ATP13A1: variants seen among roughly 807,000 people sequenced by gnomAD.
The protein encoded by ATP13A1 is ATPase 13A1, also known as endoplasmic reticulum transmembrane helix translocase.
Under a neutral mutation model 134.8 loss-of-function variants are expected in ATP13A1, and 55 were observed. The ratio of observed to expected loss-of-function variants is 0.41; its 90% CI spans 0.33 to 0.51. The LOEUF is 0.51. ATP13A1 is among the 20% of genes least tolerant of loss of function. The probability of loss-of-function intolerance (pLI) is 0.29; values close to 1 mark genes in which losing one functional copy is unlikely to be tolerated. For synonymous variants in ATP13A1, 775 were observed against 725.1 expected, an observed-to-expected ratio of 1.07 and a Z score of -1.10; for missense variants, 1,389 against 1,652.8, an observed-to-expected ratio of 0.84 and a Z score of 2.77.
intron 3 of ATP13A1, among the ~76,000 whole-genome samples, chr19:19,657,665 T>G (rs11667828): frequency 0.3 from 46,235 of 152,124 alleles, 7,726 homozygotes; most frequent in African/African-American, 0.44. Flanking sequence ...TGAAGCTCCT[T>G]AATCTGCAAT....
At chr19:19,651,168 G>A (rs1250338708) in intron 17 of ATP13A1, 2 of 152,308 alleles carry the variant, frequency 1.3e-5, no homozygotes, top group South Asian at 2.1e-4. Flanking sequence ...GTGTGGGGAA[G>A]GCAAGCCACC....
At position 19,652,576 on chromosome 19, in the gene ATP13A1, G is replaced by A. The variant is rs966647504; in HGVS notation, c.2226+19C>T. Reference sequence around the variant, plus strand: ...CTCTATTTCCCATGCAGAGGGTGGAGCCGAGCACCGTCCCATACCCGGTGG... The same window carrying A: ...CTCTATTTCCCATGCAGAGGGTGGAACCGAGCACCGTCCCATACCCGGTGG... On this transcript the variant is annotated intron_variant, in intron 16 of 25. Coordinates refer to ENST00000357324, the MANE Select transcript of ATP13A1 (RefSeq NM_020410.3). 1 of 1,603,370 alleles carries A rather than the reference G, an allele frequency of 6.2e-7. No homozygotes were observed. The highest frequency in any genetic ancestry group is 8.5e-7 in the Non-Finnish European group (1 of 1,175,478).
At position 19,656,312 on chromosome 19, in the gene ATP13A1, C is replaced by G; in HGVS notation, c.1084-129G>C. ...ATCCCCACCCGACCAATACATCCCACCCAGCTCCCAGATCCTCACCCTCAC... is the reference window on the plus strand; with the variant it reads ...ATCCCCACCCGACCAATACATCCCAGCCAGCTCCCAGATCCTCACCCTCAC... On this transcript the variant is annotated intron_variant, in intron 7 of 25. Transcript: ENST00000357324. The surrounding 1 kb of genome is among the most constrained non-coding windows in gnomAD (Gnocchi z 4.6). 1 of 1,278,822 alleles carries G rather than the reference C, an allele frequency of 7.8e-7. No individual in the cohort carries two copies. Among genetic ancestry groups the G allele is most frequent in the Non-Finnish European group, 1.1e-6 (1 of 933,690 alleles). 79.2% of individuals were successfully genotyped at this position (1,278,822 alleles called of 1,614,324 possible).
At position 19,648,807 on chromosome 19, in the gene ATP13A1, C is replaced by CAA. The variant is rs71172506; in HGVS notation, c.2632+758_2632+759dup. On this transcript the variant is annotated intron_variant, in intron 19 of 25. Coordinates refer to ENST00000357324, the MANE Select transcript of ATP13A1 (RefSeq NM_020410.3). Reference sequence around the variant, plus strand: ...CTGGGCAACAAGAGAGAAACTGTCTCAAAAAAAAAAAAAAAAAAAAAAGGC... The same window carrying CAA: ...CTGGGCAACAAGAGAGAAACTGTCTCAAAAAAAAAAAAAAAAAAAAAAAAGGC... Among the ~76,000 whole-genome samples, 98 of 40,098 alleles carry CAA rather than the reference C, an allele frequency of 2.4e-3. 3 individuals carry two copies. The highest frequency in any genetic ancestry group is 5.3e-3 in the African/African-American group (50 of 9,416). 26.3% of individuals were successfully genotyped at this position (40,098 alleles called of 152,430 possible). A position where few individuals can be genotyped will look rare whatever the true frequency, so the allele number is the denominator to read the frequency against.
intron 17 of ATP13A1, 131 bp downstream of exon 17, chr19:19,651,558 G>T: frequency 1.5e-6 from 1 of 649,550 alleles, no homozygotes; most frequent in Non-Finnish European, 2.5e-6. Context: ...GGCCAGGGCT[G>T]TGATTAGTGG....
At position 19,656,927 on chromosome 19, in the gene ATP13A1, C is replaced by A; in HGVS notation, c.907-11G>T. 6.2e-7 allele frequency: 1 copy of A among 1,608,682 alleles called. No individual in the cohort carries two copies. Among genetic ancestry groups the A allele is most frequent in the Non-Finnish European group, 8.5e-7 (1 of 1,177,982 alleles). On this transcript the variant is annotated splice_polypyrimidine_tract_variant and intron_variant, in intron 5 of 25. Transcript: ENST00000357324. This position sits in a 1 kb window ranked among gnomAD's most constrained non-coding sequence, Gnocchi z 4.6. Reference sequence around the variant, plus strand: ...GCGGCTTCGGTAGACCTGGGCGGGGCATGGGTGTCAGCACAGAAGCCGCAC... The same window carrying A: ...GCGGCTTCGGTAGACCTGGGCGGGGAATGGGTGTCAGCACAGAAGCCGCAC...
In ATP13A1 at chr19:19,663,324, CAG is replaced by C. The variant is rs2062106632; in HGVS notation, c.341_342del (p.Thr114SerfsTer48). The C allele has an allele frequency of 6.3e-7, 1 of 1,591,912 alleles. No homozygotes were observed. The highest frequency in any genetic ancestry group is 1.8e-5 in the Admixed American group (1 of 56,802). ...TGCACAGACCAATGCCCCGAGAGGA[CAG>C]TGAGCGCGTGCGCGAGGCAGATGGT... The part of the protein sequence containing the change: ...LATICLAHAL[T>X]VLSGHWSVHA... On this transcript the variant is annotated frameshift_variant, in exon 1 of 26. Coordinates refer to ENST00000357324, the MANE Select transcript of ATP13A1 (RefSeq NM_020410.3). LOFTEE classifies it high-confidence loss of function.
In ATP13A1 at chr19:19,657,161, C is replaced by A; in HGVS notation, c.751-12G>T. 1 of 1,501,006 alleles carries A rather than the reference C, an allele frequency of 6.7e-7. No homozygotes were observed. The highest frequency in any genetic ancestry group is 8.9e-7 in the Non-Finnish European group (1 of 1,125,726). 93.0% of individuals were successfully genotyped at this position (1,501,006 alleles called of 1,614,324 possible). ...CCCACACAGAACACCTGTGGGATAC[C>A]AGCCTGTCTGTCCTTGCCCTACCCG... On this transcript the variant is annotated splice_polypyrimidine_tract_variant and intron_variant, in intron 4 of 25. Transcript: ENST00000357324.
Position 19,652,607 on chromosome 19 carries a change from A to G in ATP13A1, c.2214T>C (p.Asn738=). 2 of 1,608,752 alleles carry G rather than the reference A, an allele frequency of 1.2e-6. No homozygotes were observed. The highest frequency in any genetic ancestry group is 2.2e-5 in the East Asian group (1 of 44,706). ...DSKAVIREIQ[N]ASHRVVMITG... ...CACCGTCCCATACCCGGTGGGACGC[A>G]TTCTGGATCTCCCGGATCACGGCCT... The change falls in exon 16 of 26, where the codon AAT becomes AAC. Residue 738 remains asparagine (N), a synonymous_variant. Transcript: ENST00000357324.
rs753310554 is a variant in ATP13A1 at position 19,655,676 on chromosome 19, C to T, written c.1270-22G>A. On this transcript the variant is annotated intron_variant, in intron 9 of 25. Coordinates refer to ENST00000357324, the MANE Select transcript of ATP13A1 (RefSeq NM_020410.3). The surrounding 1 kb of genome is among the most constrained non-coding windows in gnomAD (Gnocchi z 5.7). Reference sequence around the variant, plus strand: ...TGCCCTGGAGGAATGGAGGAACAGCCTTTCTGCTGTCTGGACTCCCTCCAG... The same window carrying T: ...TGCCCTGGAGGAATGGAGGAACAGCTTTTCTGCTGTCTGGACTCCCTCCAG... 6.2e-7 allele frequency: 1 copy of T among 1,607,924 alleles called. No homozygotes were observed. Among genetic ancestry groups the T allele is most frequent in the South Asian group, 1.1e-5 (1 of 89,972 alleles).
chr19:19,663,635 A>T lies in ATP13A1; in HGVS notation c.32T>A (p.Val11Glu), dbSNP rs2062109033. The change falls in exon 1 of 26, where the codon GTG (valine) becomes GAG (glutamate). Residue 11 changes from valine to glutamate, a missense_variant. Transcript: ENST00000357324. MAAAAAVGNA[V>E]PCGARPCGVR... ...CCCGCAAGGCCGGGCCCCGCAGGGC[A>T]CCGCGTTGCCCACCGCCGCCGCTGC... is the stretch of plus-strand genomic sequence containing the variant. 1.5e-6 allele frequency: 2 copies of T among 1,322,274 alleles called. No individual in the cohort carries two copies. Among genetic ancestry groups the T allele is most frequent in the South Asian group, 4.1e-5 (2 of 48,684 alleles). The allele number at this position is 1,322,274 out of a possible 1,614,324, so 81.9% of individuals were successfully genotyped here. A position where few individuals can be genotyped will look rare whatever the true frequency, so the allele number is the denominator to read the frequency against.
At chr19:19,654,264 C>CTGGGCTAGAGCAGGTGT in intron 13 of ATP13A1, 120 bp from the exon 14 acceptor site, 1 of 1,156,316 alleles carries the variant, frequency 8.6e-7, no homozygotes, top group Non-Finnish European at 1.2e-6. Context: ...GATCGGGGCT[C>CTGGGCTAGAGCAGGTGT]TGGGCTAGAG....
In ATP13A1 at chr19:19,655,025, C is replaced by A; in HGVS notation, c.1655+94G>T. On this transcript the variant is annotated intron_variant, in intron 12 of 25. Coordinates refer to ENST00000357324, the MANE Select transcript of ATP13A1 (RefSeq NM_020410.3). This position sits in a 1 kb window ranked among gnomAD's most constrained non-coding sequence, Gnocchi z 5.7. ...CGAGGCAGGGCCTCTGACGGGCCCT[C>A]ACTGCAAGGGCTTGGGGTGGATGGG... 6.5e-7 allele frequency: 1 copy of A among 1,534,736 alleles called. No homozygotes were observed. Among genetic ancestry groups the A allele is most frequent in the South Asian group, 1.2e-5 (1 of 82,608 alleles).
chr19:19,657,025 C>A lies in ATP13A1; in HGVS notation c.875G>T (p.Arg292Leu). 1.9e-6 allele frequency: 3 copies of A among 1,580,234 alleles called. No individual in the cohort carries two copies. Among genetic ancestry groups the A allele is most frequent in the East Asian group, 4.5e-5 (2 of 44,322 alleles). The change falls in exon 5 of 26, where the codon CGG becomes CTG. Residue 292 changes from arginine (R) to leucine (L), a missense_variant. Coordinates refer to ENST00000357324, the MANE Select transcript of ATP13A1 (RefSeq NM_020410.3). ...CATGTGGGGCTTGTTGCCCATCTTC[C>A]GGATCTCCGACATGTTCCGCATCTG... ...QQQMRNMSEI[R>L]KMGNKPHMIQ...
Position 19,649,922 on chromosome 19 carries a change from C to A in ATP13A1, c.2354G>T (p.Arg785Leu), listed in dbSNP as rs756685760. The change falls in exon 18 of 26, where the codon CGC becomes CTC. Residue 785 changes from arginine to leucine, a missense_variant. Transcript: ENST00000357324. Reference protein sequence around the residue: ...PSEKGRQCEWRSIDGSIVLPL... With the variant: ...PSEKGRQCEWLSIDGSIVLPL... ...CAGCACGATGCTGCCGTCAATGGAG[C>A]GCCACTCGCACTGCCGGCCTGCGGG... 2 of 1,595,524 alleles carry A rather than the reference C, an allele frequency of 1.3e-6. No individual in the cohort carries two copies. The highest frequency in any genetic ancestry group is 3.4e-5 in the Admixed American group (2 of 59,374).
At chr19:19,654,257 C>G in intron 13 of ATP13A1, 113 bp from the exon 14 acceptor site, 1 of 1,188,264 alleles carries the variant, frequency 8.4e-7, no homozygotes, top group Non-Finnish European at 1.2e-6. Flanking sequence ...AGGGCCTGAT[C>G]GGGGCTCTGG....
At chr19:19,659,388 G>A (rs1003662314) in intron 3 of ATP13A1, among the ~76,000 whole-genome samples, 3 of 152,104 alleles carry the variant, frequency 2.0e-5, no homozygotes, top group African/African-American at 7.2e-5. Context: ...CCGGGGAGGC[G>A]GAGGTTGGGG....
chr19:19,656,631 CT>C lies in ATP13A1; in HGVS notation c.1083+28del. ...TCCTGGCCTGTTTCCTCCTGAACAG[CT>C]TGAGGATCCCCATCCTCCACCAAGT... On this transcript the variant is annotated intron_variant, in intron 7 of 25. Transcript: ENST00000357324. This position sits in a 1 kb window ranked among gnomAD's most constrained non-coding sequence, Gnocchi z 4.6. 1 of 1,602,612 alleles carries C rather than the reference CT, an allele frequency of 6.2e-7. No individual in the cohort carries two copies. Among genetic ancestry groups the C allele is most frequent in the Admixed American group, 1.7e-5 (1 of 58,484 alleles).
At chr19:19,654,274 G>T in intron 13 of ATP13A1, 130 bp from the exon 14 acceptor site, 1 of 1,091,084 alleles carries the variant, frequency 9.2e-7, no homozygotes, top group Non-Finnish European at 1.3e-6. Context: ...CTGGGCTAGA[G>T]CAGGTGTTGG....
Sources: gnomAD v4.1 joint callset for allele counts (sites outside exome capture counted in the v4.1 genomes callset) on GRCh38, gnomAD v4.1.1 for gene constraint, Gnocchi (gnomAD v3.1) non-coding constraint, MANE v1.5 for transcripts, NCBI Gene and HGNC (gene_info 2026-07-23, HGNC 2026-07-21) for gene names.